CADPS2: variants seen among roughly 807,000 people sequenced by gnomAD.
CADPS2 encodes the protein calcium dependent secretion activator 2, also known as calcium-dependent secretion activator 2.
CADPS2 carries 93 observed loss-of-function variants against 172.5 expected under a neutral mutation model. That is an observed-to-expected ratio of 0.54 (90% CI 0.46 to 0.64). The LOEUF (loss-of-function observed/expected upper bound fraction) is 0.64, where lower values mean the gene tolerates loss of function less well. CADPS2 is among the 30% of genes least tolerant of loss of function. The pLI, the probability that CADPS2 is intolerant of heterozygous loss-of-function variation, is 0.00. For missense variants in CADPS2, 1,420 were observed against 1,565.9 expected (o/e 0.91, Z 1.57); for synonymous variants, 546 against 555.2 (o/e 0.98, Z 0.23).
At chr7:122,560,543 G>A (rs2065624741) in intron 7 of CADPS2, among the ~76,000 whole-genome samples, 1 of 152,108 alleles carries the variant, frequency 6.6e-6, no homozygotes, top group Non-Finnish European at 1.5e-5. Flanking sequence ...GCCTCAAACA[G>A]AGGAAGAAGG....
At chr7:122,765,903 G>A (rs917295487) in intron 1 of CADPS2, among the ~76,000 whole-genome samples, 5 of 152,092 alleles carry the variant, frequency 3.3e-5, no homozygotes, top group African/African-American at 1.2e-4. Flanking sequence ...AATTCCTGTA[G>A]AGGAATTGTG....
chr7:122,826,962 A>C (rs1805079334), intron 1 of CADPS2, among the ~76,000 whole-genome samples: 1 of 152,186 alleles, frequency 6.6e-6, no homozygotes, highest in Non-Finnish European at 1.5e-5. Flanking sequence ...TAAAAATAGG[A>C]AAACAACAAA....
intron 2 of CADPS2, among the ~76,000 whole-genome samples, chr7:122,732,978 C>A (rs976372561): frequency 6.8e-6 from 1 of 147,980 alleles, no homozygotes. Flanking sequence ...GGATTGTAAA[C>A]ATAATAAATG....
chr7:122,702,536 G>C, intron 2 of CADPS2: 4 of 1,613,520 alleles, frequency 2.5e-6, no homozygotes, highest in Non-Finnish European at 3.4e-6. Context: ...CACCACACCA[G>C]ACACCCTTTC....
At chr7:122,438,491 A>C (rs2050942066) in intron 16 of CADPS2, 27 bp from the exon 17 acceptor site, 1 of 1,610,860 alleles carries the variant, frequency 6.2e-7, no homozygotes, top group African/African-American at 1.3e-5. Flanking sequence ...TGGAAGGGTG[A>C]GGGGCAGGGT....
chr7:122,493,647 T>TA (rs1176132851), intron 9 of CADPS2, among the ~76,000 whole-genome samples: 2 of 152,030 alleles, frequency 1.3e-5, no homozygotes, highest in African/African-American at 4.8e-5. Flanking sequence ...ATGATATACT[T>TA]ACGTTTTACG....
intron 7 of CADPS2, among the ~76,000 whole-genome samples, chr7:122,560,948 T>C (rs1224755530): frequency 6.6e-6 from 1 of 152,156 alleles, no homozygotes. Context: ...AGAACCCTTA[T>C]AGTATGTGAA....
At chr7:122,584,774 T>A (rs2069389860) in intron 6 of CADPS2, among the ~76,000 whole-genome samples, 1 of 152,000 alleles carries the variant, frequency 6.6e-6, no homozygotes, top group Non-Finnish European at 1.5e-5. Flanking sequence ...TGTTTACAGG[T>A]GTGATTTAGA....
intron 8 of CADPS2, among the ~76,000 whole-genome samples, chr7:122,519,637 A>G (rs66656487): frequency 0.33 from 49,392 of 151,790 alleles, 8,480 homozygotes; most frequent in East Asian, 0.46. Context: ...AACAAAGCAC[A>G]AAGACAACTA....
intron 9 of CADPS2, among the ~76,000 whole-genome samples, chr7:122,503,471 G>C (rs988440920): frequency 1.2e-4 from 18 of 152,072 alleles, no homozygotes; most frequent in African/African-American, 4.3e-4. Context: ...CATGATGAAA[G>C]ACTTAGGAGG....
chr7:122,448,233 T>G (rs529367480), intron 15 of CADPS2, among the ~76,000 whole-genome samples: 1 of 152,342 alleles, frequency 6.6e-6, no homozygotes, highest in African/African-American at 2.4e-5. Flanking sequence ...TGGAAGATCT[T>G]AGGATTTTTT....
intron 3 of CADPS2, among the ~76,000 whole-genome samples, chr7:122,649,800 A>C (rs1211091078): frequency 6.6e-6 from 1 of 151,312 alleles, no homozygotes; most frequent in Non-Finnish European, 1.5e-5. Context: ...CTGTCTACTG[A>C]CCACATATTA....
intron 7 of CADPS2, among the ~76,000 whole-genome samples, chr7:122,562,027 G>A (rs2065844784): frequency 6.6e-6 from 1 of 152,104 alleles, no homozygotes; most frequent in African/African-American, 2.4e-5. Flanking sequence ...CTAAATTACT[G>A]CCAAAATTTG....
chr7:122,768,029 C>G lies in CADPS2; in HGVS notation c.340-30961G>C, dbSNP rs571931913. On this transcript the variant is annotated intron_variant, in intron 1 of 29. Transcript: ENST00000449022. The stretch of plus-strand genomic sequence containing the variant: ...TAAAGTGAGTTTCTGGCCTTATATA[C>G]AGGTTTTATTACCATCTGCAGCCAG... 4.1e-4 allele frequency among the ~76,000 whole-genome samples: 63 copies of G among 152,248 alleles called. 1 individual carries two copies. The South Asian group carries it at 0.012, about 30-fold the overall frequency.
chr7:122,551,137 T>C (rs73433744), intron 8 of CADPS2, among the ~76,000 whole-genome samples: 4,243 of 152,180 alleles, frequency 0.028, 74 homozygotes, highest in South Asian at 0.055. Context: ...TTTAAAAAAA[T>C]AGTCATATTA....
chr7:122,561,810 AT>A (rs1234773633), intron 7 of CADPS2, among the ~76,000 whole-genome samples: 1 of 152,114 alleles, frequency 6.6e-6, no homozygotes, highest in Non-Finnish European at 1.5e-5. Flanking sequence ...GACTGTTACC[AT>A]TTTAAAAAAA....
intron 7 of CADPS2, among the ~76,000 whole-genome samples, chr7:122,563,316 G>A (rs1422982740): frequency 6.6e-6 from 1 of 152,112 alleles, no homozygotes; most frequent in Admixed American, 6.6e-5. Flanking sequence ...TACTGCTTGA[G>A]TAGCTTTATC....
chr7:122,323,885 A>T (rs1429513125), intron 29 of CADPS2, among the ~76,000 whole-genome samples: 39 of 10,852 alleles, frequency 3.6e-3, no homozygotes, highest in Non-Finnish European at 0.013. Flanking sequence ...ATATATATAT[A>T]TATATATATA....
intron 7 of CADPS2, among the ~76,000 whole-genome samples, chr7:122,563,975 G>A (rs1158181142): frequency 6.6e-6 from 1 of 152,064 alleles, no homozygotes; most frequent in Non-Finnish European, 1.5e-5. Context: ...AATGCTCATT[G>A]GAGCATTTTG....
Sources: allele counts gnomAD v4.1 joint callset (sites outside exome capture counted in the v4.1 genomes callset), GRCh38; gene constraint gnomAD v4.1.1; transcripts MANE v1.5; gene names NCBI Gene and HGNC (gene_info 2026-07-23, HGNC 2026-07-21).